DGKB: variants seen among roughly 807,000 people sequenced by gnomAD.
The protein encoded by DGKB is 90 kDa diacylglycerol kinase.
A neutral mutation model predicts 114.3 loss-of-function variants in DGKB; 67 were observed. The observed-to-expected ratio is 0.59, with a 90% CI of 0.48 to 0.72. The LOEUF is 0.72. Among genes scored for constraint, DGKB ranks in the 30% least tolerant of loss-of-function variants. The pLI is 0.00. For missense variants in DGKB, 907 were observed against 975.2 expected (o/e 0.93, Z 0.93); for synonymous variants, 398 against 323.1 (o/e 1.23, Z -2.49).
chr7:14,932,233 C>G (rs1785058177), intron 1 of DGKB, among the ~76,000 whole-genome samples: 1 of 152,124 alleles, frequency 6.6e-6, no homozygotes, highest in African/African-American at 2.4e-5. Context: ...GGGATTTACT[C>G]CTGATTCCCA....
At chr7:14,855,199 T>C (rs905305629) in intron 1 of DGKB, among the ~76,000 whole-genome samples, 6 of 152,122 alleles carry the variant, frequency 3.9e-5, no homozygotes, top group Non-Finnish European at 7.4e-5. Flanking sequence ...AGCAGAGAAA[T>C]AGCATGCCTC....
chr7:14,604,675 A>G (rs1804157416), intron 17 of DGKB, among the ~76,000 whole-genome samples: 1 of 152,166 alleles, frequency 6.6e-6, no homozygotes, highest in African/African-American at 2.4e-5. Flanking sequence ...GCCATACATT[A>G]AAAGGGAATC....
intron 13 of DGKB, among the ~76,000 whole-genome samples, chr7:14,641,692 T>G (rs1811835674): frequency 6.6e-6 from 1 of 152,270 alleles, no homozygotes; most frequent in South Asian, 2.1e-4. Flanking sequence ...TAGTTCAATA[T>G]GTCTTTAGAC....
chr7:14,373,235 A>G (rs1357917633), intron 21 of DGKB, among the ~76,000 whole-genome samples: 1 of 152,184 alleles, frequency 6.6e-6, no homozygotes, highest in Non-Finnish European at 1.5e-5. Flanking sequence ...GATTTAAGTC[A>G]TTGTTATTTT....
At chr7:14,926,471 A>T (rs563085164) in intron 1 of DGKB, among the ~76,000 whole-genome samples, 79 of 146,384 alleles carry the variant, frequency 5.4e-4, no homozygotes, top group African/African-American at 1.9e-3. Context: ...TTTTTTTCTC[A>T]TTGCTTTGCA....
rs1004088231 is a variant in DGKB, at chr7:14,694,029, C to T, written c.711+46G>A. Reference sequence around the variant, plus strand: ...GTAATCAAAATGTGTAATAGAGAGCCCCACTGACTCACCACCAGGCCACCC... The same window carrying T: ...GTAATCAAAATGTGTAATAGAGAGCTCCACTGACTCACCACCAGGCCACCC... On this transcript the variant is annotated intron_variant, in intron 9 of 25. Coordinates refer to ENST00000402815, the MANE Select transcript of DGKB (RefSeq NM_001350709.2). 2.6e-6 allele frequency: 4 copies of T among 1,548,140 alleles called. No individual in the cohort carries two copies. In the African/African-American group the frequency reaches 5.5e-5, roughly 21 times the overall value.
rs1826068837 is a variant in DGKB, at chr7:14,418,327, G to GTATGTATATATGTA, written c.1835+59833_1835+59834insTACATATATACATA. ...TGTATGTATATATGTATGTATATAT[G>GTATGTATATATGTA]TATATATATACACACACATATATTC... On this transcript the variant is annotated intron_variant, in intron 21 of 25. Coordinates refer to ENST00000402815, the MANE Select transcript of DGKB (RefSeq NM_001350709.2). 4.0e-5 allele frequency among the ~76,000 whole-genome samples: 3 copies of GTATGTATATATGTA among 75,566 alleles called. No individual in the cohort carries two copies. The South Asian group carries it at 1.5e-3, about 38-fold the overall frequency. The allele number at this position is 75,566 out of a possible 152,430, so 49.6% of individuals were successfully genotyped here.
intron 18 of DGKB, among the ~76,000 whole-genome samples, chr7:14,582,613 C>T (rs998579305): frequency 6.6e-6 from 1 of 151,990 alleles, no homozygotes; most frequent in African/African-American, 2.4e-5. Flanking sequence ...TAAAAATTAG[C>T]TATGATGATG....
At chr7:14,191,926 G>A (rs1784376435) in intron 23 of DGKB, 4 of 645,230 alleles carry the variant, frequency 6.2e-6, no homozygotes, top group South Asian at 5.8e-5. Flanking sequence ...GTAAAAAGCT[G>A]GAAGATGGCC....
At chr7:14,228,998 G>A (rs747608827) in intron 23 of DGKB, among the ~76,000 whole-genome samples, 2 of 151,432 alleles carry the variant, frequency 1.3e-5, no homozygotes, top group Non-Finnish European at 2.9e-5. Flanking sequence ...ATTTCATTAA[G>A]AAAATGAGCA....
chr7:14,265,831 CT>C (rs751635475), intron 23 of DGKB, among the ~76,000 whole-genome samples: 2 of 152,086 alleles, frequency 1.3e-5, no homozygotes, highest in Non-Finnish European at 2.9e-5. Flanking sequence ...TACTTGTGTA[CT>C]TTTTTCCAAA....
intron 20 of DGKB, among the ~76,000 whole-genome samples, chr7:14,486,292 C>T (rs905869573): frequency 3.3e-4 from 50 of 152,172 alleles, no homozygotes; most frequent in African/African-American, 1.1e-3. Flanking sequence ...GGCCTCTAAT[C>T]TGAAGAAGTG....
chr7:14,228,598 C>A (rs530887557), intron 23 of DGKB, among the ~76,000 whole-genome samples: 1 of 152,024 alleles, frequency 6.6e-6, no homozygotes, highest in South Asian at 2.1e-4. Flanking sequence ...CATAATGCCA[C>A]TCAGACAGGA....
intron 21 of DGKB, among the ~76,000 whole-genome samples, chr7:14,371,852 T>A (rs1483683008): frequency 6.6e-6 from 1 of 152,174 alleles, no homozygotes; most frequent in Non-Finnish European, 1.5e-5. Context: ...CACCTACTGC[T>A]GAGGTATTTT....
intron 2 of DGKB, among the ~76,000 whole-genome samples, chr7:14,793,442 G>A (rs1840973228): frequency 6.6e-6 from 1 of 152,046 alleles, no homozygotes; most frequent in African/African-American, 2.4e-5. Context: ...TGAAAGGATT[G>A]AAGATGCTTT....
At chr7:14,962,065 C>A (rs975235504) in intron 1 of DGKB, among the ~76,000 whole-genome samples, 1 of 151,954 alleles carries the variant, frequency 6.6e-6, no homozygotes, top group African/African-American at 2.4e-5. Flanking sequence ...GCCATAAAAC[C>A]GTTTGTCTAA....
At chr7:14,607,928 A>G (rs1396250640) in intron 16 of DGKB, among the ~76,000 whole-genome samples, 3 of 152,010 alleles carry the variant, frequency 2.0e-5, no homozygotes, top group African/African-American at 7.2e-5. Flanking sequence ...GATCTCTGAT[A>G]GATCTGAAAA....
chr7:14,893,352 G>T (rs1207890601), intron 1 of DGKB, among the ~76,000 whole-genome samples: 1 of 151,320 alleles, frequency 6.6e-6, no homozygotes, highest in Non-Finnish European at 1.5e-5. Context: ...CTTAAAAGAC[G>T]TTTTTTCCTG....
intron 20 of DGKB, among the ~76,000 whole-genome samples, chr7:14,490,110 A>G (rs566093026): frequency 6.6e-6 from 1 of 152,296 alleles, no homozygotes; most frequent in Non-Finnish European, 1.5e-5. Flanking sequence ...TAATTTCCTT[A>G]GTGAGTCAAT....
Sources: allele counts gnomAD v4.1 joint callset (sites outside exome capture counted in the v4.1 genomes callset), GRCh38; gene constraint gnomAD v4.1.1; transcripts MANE v1.5; gene names NCBI Gene and HGNC (gene_info 2026-07-23, HGNC 2026-07-21).